The following PSD3 variants were observed in gnomAD, a reference collection of about 807,000 sequenced individuals.
The protein encoded by PSD3 is PH and SEC7 domain-containing protein 3.
In PSD3, 49 loss-of-function variants were observed where a neutral mutation model predicts 105.5. That is an observed-to-expected ratio of 0.46 (90% CI 0.37 to 0.59). The LOEUF is 0.59. Among genes scored for constraint, PSD3 ranks in the 20% least tolerant of loss-of-function variants. PSD3 has a pLI of 0.00. For synonymous variants in PSD3, 557 were observed against 457.8 expected, an observed-to-expected ratio of 1.22 and a Z score of -2.77; for missense variants, 1,561 against 1,263.8, an observed-to-expected ratio of 1.24 and a Z score of -3.57.
At chr8:18,828,226 T>C (rs912820475) in intron 4 of PSD3, among the ~76,000 whole-genome samples, 2 of 151,806 alleles carry the variant, frequency 1.3e-5, no homozygotes, top group Non-Finnish European at 2.9e-5. Flanking sequence ...ATCATCCTCA[T>C]ACTCCAGCTT....
intron 4 of PSD3, among the ~76,000 whole-genome samples, chr8:18,842,174 C>T (rs1050026731): frequency 6.6e-6 from 1 of 152,218 alleles, no homozygotes; most frequent in East Asian, 1.9e-4. Flanking sequence ...ATTACACCAA[C>T]TAGCATTTGG....
At chr8:18,816,616 T>C (rs1297568823) in intron 4 of PSD3, among the ~76,000 whole-genome samples, 1 of 152,212 alleles carries the variant, frequency 6.6e-6, no homozygotes, top group Non-Finnish European at 1.5e-5. Flanking sequence ...ATTTAAACAT[T>C]GACTATGTGC....
intron 11 of PSD3, among the ~76,000 whole-genome samples, chr8:18,625,478 T>C (rs1016022533): frequency 1.3e-5 from 2 of 152,056 alleles, no homozygotes; most frequent in African/African-American, 4.8e-5. Flanking sequence ...AATGCCTACA[T>C]CCAGGCAATT....
At chr8:18,708,654 G>T (rs181262771) in intron 9 of PSD3, among the ~76,000 whole-genome samples, 2 of 152,126 alleles carry the variant, frequency 1.3e-5, no homozygotes, top group East Asian at 3.9e-4. Flanking sequence ...ATTTTCTACT[G>T]CATTTTAATA....
chr8:19,013,711 G>T, upstream of PSD3: 1 of 804,604 alleles, frequency 1.2e-6, no homozygotes, highest in Non-Finnish European at 1.6e-6. Flanking sequence ...GCCGAGAGGC[G>T]GCGGCCCGCG....
Position 18,858,892 on chromosome 8 carries a change from T to C in PSD3, c.1634+8782A>G, listed in dbSNP as rs892703876. Among the ~76,000 whole-genome samples, 10 of 152,306 alleles carry C rather than the reference T, an allele frequency of 6.6e-5. No individual in the cohort carries two copies. In the East Asian group the frequency reaches 1.9e-3, roughly 29 times the overall value. On this transcript the variant is annotated intron_variant, in intron 4 of 15. Transcript: ENST00000327040. ...AAGGTTGGAATTAACATCTTCCAAATTCCTGTTCATGTTGATATCTTGACC... is the reference window on the plus strand; with the variant it reads ...AAGGTTGGAATTAACATCTTCCAAACTCCTGTTCATGTTGATATCTTGACC...
At chr8:18,830,114 C>G (rs548783110) in intron 4 of PSD3, among the ~76,000 whole-genome samples, 1 of 152,086 alleles carries the variant, frequency 6.6e-6, no homozygotes, top group Non-Finnish European at 1.5e-5. Flanking sequence ...ACTACAGGCA[C>G]GTGCCACAAC....
rs773635728 is a variant in PSD3, at chr8:18,651,908, T to C, written c.2216+3734A>G. On this transcript the variant is annotated intron_variant, in intron 10 of 15. Transcript: ENST00000327040. ...GGCCTAATTAAAGTTTTACAGCACA[T>C]AGGAACTTCACAGAGGTTAAAGTAC... Among the ~76,000 whole-genome samples the C allele has an allele frequency of 2.6e-5, 4 of 152,108 alleles. 1 individual carries two copies. The highest frequency in any genetic ancestry group is 4.1e-4 in the South Asian group (2 of 4,826).
At chr8:18,836,760 ATTGT>A (rs1814142467) in intron 4 of PSD3, among the ~76,000 whole-genome samples, 2 of 152,226 alleles carry the variant, frequency 1.3e-5, no homozygotes, top group African/African-American at 4.8e-5. Flanking sequence ...TATGACAATA[ATTGT>A]TTTTCTGCCT....
chr8:18,805,790 G>A (rs762475287), intron 4 of PSD3, among the ~76,000 whole-genome samples: 5 of 152,074 alleles, frequency 3.3e-5, no homozygotes, highest in Non-Finnish European at 7.4e-5. Context: ...AAACCTTTGC[G>A]GGCAGATACA....
intron 11 of PSD3, among the ~76,000 whole-genome samples, chr8:18,621,608 A>C (rs1806113164): frequency 6.6e-6 from 1 of 152,180 alleles, no homozygotes; most frequent in Admixed American, 6.5e-5. Flanking sequence ...TTAAAACTAG[A>C]GAGTCACGTG....
At chr8:19,031,030 C>G (rs1395220396) in intron 1 of PSD3, among the ~76,000 whole-genome samples, 1 of 152,170 alleles carries the variant, frequency 6.6e-6, no homozygotes, top group Non-Finnish European at 1.5e-5. Flanking sequence ...CTGATTGTAT[C>G]TATGTGGGGC....
In PSD3 at chr8:18,541,218, T is replaced by G. The variant is rs1433645256; in HGVS notation, c.2929-5260A>C. Among the ~76,000 whole-genome samples the G allele has an allele frequency of 2.7e-5, 4 of 146,636 alleles. No homozygotes were observed. The East Asian group carries it at 5.9e-4, about 22-fold the overall frequency. On this transcript the variant is annotated intron_variant, in intron 15 of 15. Transcript: ENST00000327040. ...CCCCCCAATACTAGATACCATCACA[T>G]GAGGGTAAGGACTTTGCGTTTGTTT... is the stretch of plus-strand genomic sequence containing the variant.
intron 8 of PSD3, among the ~76,000 whole-genome samples, chr8:18,781,410 C>T (rs562971361): frequency 1.3e-5 from 2 of 152,298 alleles, no homozygotes; most frequent in African/African-American, 4.8e-5. Context: ...TCCCAAGACA[C>T]AATCCCTATT....
intron 1 of PSD3, among the ~76,000 whole-genome samples, chr8:19,043,275 A>G (rs1398748985): frequency 6.6e-6 from 1 of 152,192 alleles, no homozygotes; most frequent in East Asian, 1.9e-4. Flanking sequence ...AGATTTTGGA[A>G]CAGTTTTAGT....
rs77530292 is a variant in PSD3, at chr8:18,693,924, A to T, written c.2173-38239T>A. Among the ~76,000 whole-genome samples the T allele has an allele frequency of 4.2e-4, 64 of 152,342 alleles. No homozygotes were observed. The East Asian group carries it at 7.9e-3, about 19-fold the overall frequency. On this transcript the variant is annotated intron_variant, in intron 9 of 15. Transcript: ENST00000327040. ...TGACTTATATTAGATGGTGCAGGGC[A>T]AACAGAGATGAAGCATTAGCATGGC...
At chr8:18,625,347 A>G (rs1337343908) in intron 11 of PSD3, among the ~76,000 whole-genome samples, 1 of 152,034 alleles carries the variant, frequency 6.6e-6, no homozygotes, top group Non-Finnish European at 1.5e-5. Context: ...CCATCATCCT[A>G]TCTGTATGTC....
intron 1 of PSD3, among the ~76,000 whole-genome samples, chr8:18,962,791 C>G (rs1025243755): frequency 2.0e-5 from 3 of 152,166 alleles, no homozygotes; most frequent in African/African-American, 7.2e-5. Context: ...CTTTATCTTG[C>G]CACACTAATC....
chr8:19,066,120 G>C (rs1341656697), intron 1 of PSD3, among the ~76,000 whole-genome samples: 2 of 152,190 alleles, frequency 1.3e-5, no homozygotes, highest in African/African-American at 4.8e-5. Flanking sequence ...CCCAATTCAT[G>C]AATTGCTAAT....
Sources: gnomAD v4.1 joint callset for allele counts (sites outside exome capture counted in the v4.1 genomes callset) on GRCh38, gnomAD v4.1.1 for gene constraint, MANE v1.5 for transcripts, NCBI Gene and HGNC (gene_info 2026-07-23, HGNC 2026-07-21) for gene names.